BAZ2B: variants seen among roughly 807,000 people sequenced by gnomAD.
The protein encoded by BAZ2B is bromodomain adjacent to zinc finger domain protein 2B.
BAZ2B carries 91 observed loss-of-function variants against 246.0 expected under a neutral mutation model. The ratio of observed to expected loss-of-function variants is 0.37; its 90% CI spans 0.31 to 0.44. The LOEUF (loss-of-function observed/expected upper bound fraction) is 0.44. BAZ2B is among the 20% of genes least tolerant of loss of function. The probability of loss-of-function intolerance (pLI) is 1.00; values close to 1 mark genes in which losing one functional copy is unlikely to be tolerated. For synonymous variants in BAZ2B, 855 were observed against 860.0 expected, an observed-to-expected ratio of 0.99 and a Z score of 0.10; for missense variants, 2,332 against 2,533.7, an observed-to-expected ratio of 0.92 and a Z score of 1.71.
At chr2:159,335,961 G>C (rs1193418522) in intron 33 of BAZ2B, among the ~76,000 whole-genome samples, 1 of 152,186 alleles carries the variant, frequency 6.6e-6, no homozygotes, top group Non-Finnish European at 1.5e-5. Flanking sequence ...AAGAGTTTGA[G>C]ACTGGCTTTG....
At chr2:159,478,764 A>AT in intron 2 of BAZ2B, 43 bp from the exon 3 acceptor site, 2 of 1,387,886 alleles carry the variant, frequency 1.4e-6, no homozygotes, top group Non-Finnish European at 1.9e-6. Flanking sequence ...CAGATAAAAA[A>AT]TTTTTTCAAA....
intron 3 of BAZ2B, among the ~76,000 whole-genome samples, chr2:159,471,513 C>T (rs1354196130): frequency 1.3e-5 from 2 of 152,114 alleles, no homozygotes; most frequent in East Asian, 3.8e-4. Flanking sequence ...TTGCCTGAGC[C>T]TCAAAGGTTG....
chr2:159,437,930 A>T (rs1047316756), intron 8 of BAZ2B: 8 of 155,366 alleles, frequency 5.1e-5, no homozygotes, highest in Non-Finnish European at 8.1e-5. Context: ...AAAAAAAAAT[A>T]AAAAAAAATT....
intron 31 of BAZ2B, among the ~76,000 whole-genome samples, chr2:159,342,188 A>G (rs2066852674): frequency 6.6e-6 from 1 of 152,234 alleles, no homozygotes; most frequent in Non-Finnish European, 1.5e-5. Context: ...ATACAGATGG[A>G]AAAAATCCCA....
At chr2:159,702,742 G>A in the BAZ2B span, among the ~76,000 whole-genome samples, 1 of 152,022 alleles carries the variant, frequency 6.6e-6, no homozygotes, top group Non-Finnish European at 1.5e-5. Flanking sequence ...GCAAAAACAT[G>A]TTTAAAACTT....
intron 8 of BAZ2B, chr2:159,433,949 C>T (rs1479162174): frequency 6.6e-6 from 1 of 152,550 alleles, no homozygotes; most frequent in Non-Finnish European, 1.5e-5. Context: ...ACTGAAAACA[C>T]TTACATTAGC....
At chr2:159,456,714 A>G (rs1304722622) in intron 3 of BAZ2B, among the ~76,000 whole-genome samples, 2 of 152,196 alleles carry the variant, frequency 1.3e-5, no homozygotes, top group Non-Finnish European at 2.9e-5. Context: ...TGGTTAAAAT[A>G]GTTAAAGCAT....
intron 2 of BAZ2B, among the ~76,000 whole-genome samples, chr2:159,525,398 G>GGA (rs2084628101): frequency 3.9e-5 from 6 of 152,188 alleles, no homozygotes; most frequent in Non-Finnish European, 8.8e-5. Context: ...TCCAGAATTT[G>GGA]AAAAGCTCCA....
At chr2:159,435,866 A>G (rs961060201) in intron 8 of BAZ2B, among the ~76,000 whole-genome samples, 1 of 152,234 alleles carries the variant, frequency 6.6e-6, no homozygotes, top group Non-Finnish European at 1.5e-5. Context: ...CTTATTTAAC[A>G]TCTATACTGT....
chr2:159,592,258 T>C (rs137918182), intron 1 of BAZ2B, among the ~76,000 whole-genome samples: 1 of 152,374 alleles, frequency 6.6e-6, no homozygotes, highest in East Asian at 1.9e-4. Context: ...GTAGATTTAC[T>C]AAGTAATTCT....
intron 27 of BAZ2B, among the ~76,000 whole-genome samples, chr2:159,370,519 C>T (rs1010467908): frequency 6.6e-5 from 10 of 151,410 alleles, no homozygotes; most frequent in South Asian, 2.1e-4. Flanking sequence ...TACAGGCGCC[C>T]GCCACCACGC....
At chr2:159,676,647 G>GCACACACACACACACACACA in the BAZ2B span, among the ~76,000 whole-genome samples, 71 of 132,638 alleles carry the variant, frequency 5.4e-4, 1 homozygote, top group South Asian at 1.6e-3. Context: ...GTATCTAAAT[G>GCACACACACACACACACACA]CACACACACA....
At chr2:159,438,920 TTAAAAC>T in intron 7 of BAZ2B, 83 bp downstream of exon 7, 1 of 1,396,062 alleles carries the variant, frequency 7.2e-7, no homozygotes, top group African/African-American at 1.4e-5. Context: ...ATGATTAACT[TTAAAAC>T]TACAGACTTT....
At chr2:159,671,373 AGAAAATAATTGGTAGCTATACGG>A in the BAZ2B span, among the ~76,000 whole-genome samples, 1 of 152,246 alleles carries the variant, frequency 6.6e-6, no homozygotes, top group Non-Finnish European at 1.5e-5. Flanking sequence ...ATATTAAGAC[AGAAAATAATTGGTAGCTATACGG>A]GACATAAATA....
intron 2 of BAZ2B, among the ~76,000 whole-genome samples, chr2:159,479,815 C>G (rs1157575034): frequency 6.6e-6 from 1 of 152,114 alleles, no homozygotes; most frequent in African/African-American, 2.4e-5. Flanking sequence ...CATGCAACAT[C>G]ATTAGAAAGA....
chr2:159,565,566 C>G (rs1200152803), intron 1 of BAZ2B, among the ~76,000 whole-genome samples: 1 of 152,090 alleles, frequency 6.6e-6, no homozygotes. Context: ...ATCACGAGGT[C>G]AGGAGTTCAA....
chr2:159,577,699 T>C (rs923254006), intron 1 of BAZ2B, among the ~76,000 whole-genome samples: 2 of 152,150 alleles, frequency 1.3e-5, no homozygotes, highest in African/African-American at 4.8e-5. Flanking sequence ...GACTCAAGAA[T>C]ATCTCTATCT....
At chr2:159,332,841 T>A in intron 33 of BAZ2B, 155 bp from the exon 34 acceptor site, 9 of 838,590 alleles carry the variant, frequency 1.1e-5, no homozygotes, top group Non-Finnish European at 1.6e-5. Context: ...GTATCTTTCG[T>A]TACACAGATA....
intron 14 of BAZ2B, among the ~76,000 whole-genome samples, chr2:159,407,299 C>T (rs1367508539): frequency 6.6e-6 from 1 of 151,682 alleles, no homozygotes; most frequent in Admixed American, 6.6e-5. Flanking sequence ...TATGAAGCCC[C>T]CACCCCTACT....
Sources: gnomAD v4.1 joint callset for allele counts (sites outside exome capture counted in the v4.1 genomes callset) on GRCh38, gnomAD v4.1.1 for gene constraint, MANE v1.5 for transcripts, NCBI Gene and HGNC (gene_info 2026-07-23, HGNC 2026-07-21) for gene names.